Variants in TAFA2 observed in about 807,000 individuals in gnomAD.
TAFA2 encodes the protein chemokine-like protein TAFA-2.
In TAFA2, 7 loss-of-function variants were observed where a neutral mutation model predicts 18.8. The ratio of observed to expected loss-of-function variants is 0.37; its 90% CI spans 0.21 to 0.70. TAFA2 has a LOEUF of 0.70. TAFA2 is among the 30% of genes least tolerant of loss of function. TAFA2 has a pLI of 0.53. For missense variants in TAFA2, 122 were observed against 158.1 expected (o/e 0.77, Z 1.23); for synonymous variants, 60 against 54.2 (o/e 1.11, Z -0.47).
chr12:61,935,978 G>A (rs1247746540), intron 1 of TAFA2, among the ~76,000 whole-genome samples: 1 of 151,944 alleles, frequency 6.6e-6, no homozygotes, highest in Non-Finnish European at 1.5e-5. Flanking sequence ...GATTAATAAA[G>A]AGAGAATCCT....
chr12:62,106,117 C>T (rs1869438650), intron 1 of TAFA2, among the ~76,000 whole-genome samples: 1 of 151,766 alleles, frequency 6.6e-6, no homozygotes, highest in South Asian at 2.1e-4. Flanking sequence ...CAGATCACCT[C>T]AGGTCAGGAG....
At chr12:61,952,592 A>C (rs1878507861) in intron 1 of TAFA2, among the ~76,000 whole-genome samples, 1 of 152,126 alleles carries the variant, frequency 6.6e-6, no homozygotes. Context: ...CCTTCAGAAC[A>C]CAGTACTTGC....
chr12:62,151,186 C>G (rs1201287411), intron 1 of TAFA2, among the ~76,000 whole-genome samples: 1 of 152,168 alleles, frequency 6.6e-6, no homozygotes, highest in Non-Finnish European at 1.5e-5. Context: ...TTGCCCTTTA[C>G]AAACTCAACA....
At chr12:61,883,341 T>C (rs1038122738) in intron 1 of TAFA2, among the ~76,000 whole-genome samples, 2 of 152,188 alleles carry the variant, frequency 1.3e-5, no homozygotes, top group Non-Finnish European at 2.9e-5. Flanking sequence ...TACACATGTG[T>C]CATTGGAATA....
chr12:62,096,915 C>T (rs1409404195), intron 1 of TAFA2, among the ~76,000 whole-genome samples: 1 of 152,104 alleles, frequency 6.6e-6, no homozygotes, highest in Non-Finnish European at 1.5e-5. Context: ...CCTGAAATCA[C>T]ACAGCTCCAC....
intron 1 of TAFA2, among the ~76,000 whole-genome samples, chr12:62,089,565 A>T (rs1414720265): frequency 6.6e-6 from 1 of 152,002 alleles, no homozygotes; most frequent in African/African-American, 2.4e-5. Flanking sequence ...AGAAAGAGTG[A>T]GAGAAAGGGA....
At chr12:62,104,767 T>C in intron 1 of TAFA2, 1 of 453,858 alleles carries the variant, frequency 2.2e-6, no homozygotes, top group Non-Finnish European at 4.4e-6. Context: ...TGACCATCGG[T>C]GTAAGCTAAC....
chr12:61,906,594 T>C (rs1176358052), intron 1 of TAFA2, among the ~76,000 whole-genome samples: 1 of 152,136 alleles, frequency 6.6e-6, no homozygotes, highest in Admixed American at 6.6e-5. Context: ...GTGGGGTGCT[T>C]CTGTAAAGAT....
At chr12:62,185,618 G>C (rs80185451) in intron 1 of TAFA2, among the ~76,000 whole-genome samples, 6,666 of 152,202 alleles carry the variant, frequency 0.044, 208 homozygotes, top group Non-Finnish European at 0.066. Flanking sequence ...ACAGTAACCA[G>C]GTTTCCTACT....
chr12:61,905,490 C>G lies in TAFA2; in HGVS notation c.-1-38064G>C, dbSNP rs186555699. Among the ~76,000 whole-genome samples the G allele has an allele frequency of 6.9e-4, 105 of 152,162 alleles. 1 individual carries two copies. The highest frequency in any genetic ancestry group is 2.5e-3 in the African/African-American group (103 of 41,516). ...TTACCCCCTCAGAAGTTAAAATGGT[C>G]TTGATATTATTTCATTAGCATTGAG... On this transcript the variant is annotated intron_variant, in intron 1 of 4. Coordinates refer to ENST00000416284, the MANE Select transcript of TAFA2 (RefSeq NM_178539.5).
chr12:61,987,758 AG>A (rs1879866738), intron 1 of TAFA2, among the ~76,000 whole-genome samples: 1 of 152,232 alleles, frequency 6.6e-6, no homozygotes, highest in Non-Finnish European at 1.5e-5. Context: ...ATCTTACAAA[AG>A]GTCTCTTTTG....
chr12:62,228,244 C>A (rs566893437), intron 1 of TAFA2, among the ~76,000 whole-genome samples: 1 of 152,142 alleles, frequency 6.6e-6, no homozygotes, highest in East Asian at 1.9e-4. Context: ...TCCATGTGTA[C>A]GGAATGTTTA....
At chr12:62,213,323 A>G (rs1342633896) in intron 1 of TAFA2, among the ~76,000 whole-genome samples, 1 of 152,216 alleles carries the variant, frequency 6.6e-6, no homozygotes, top group Non-Finnish European at 1.5e-5. Flanking sequence ...CCATTTAGGT[A>G]AGTTCAATTT....
Position 62,227,849 on chromosome 12 carries a change from A to G in TAFA2, c.-130+30914T>C, listed in dbSNP as rs566014436. On this transcript the variant is annotated intron_variant, in intron 1 of 5. Transcript: ENST00000551619. ...TATGGTTTGTAGTTTTCTCAGTATC[A>G]TTTATTGAAGAGACTGCCCTTTCCC... 1.1e-4 allele frequency among the ~76,000 whole-genome samples: 17 copies of G among 152,226 alleles called. No homozygotes were observed. The East Asian group carries it at 3.3e-3, about 29-fold the overall frequency.
intron 1 of TAFA2, among the ~76,000 whole-genome samples, chr12:61,949,654 T>C (rs1878398012): frequency 1.3e-5 from 2 of 152,078 alleles, no homozygotes; most frequent in South Asian, 4.1e-4. Context: ...TTATAATAAA[T>C]CATATATATC....
intron 1 of TAFA2, among the ~76,000 whole-genome samples, chr12:61,938,181 T>A (rs949283072): frequency 8.0e-5 from 10 of 124,906 alleles, no homozygotes; most frequent in African/African-American, 3.1e-4. Flanking sequence ...TTCACCACTA[T>A]ACAATTCATC....
At chr12:62,167,020 C>T (rs1426328331) in intron 1 of TAFA2, among the ~76,000 whole-genome samples, 4 of 151,712 alleles carry the variant, frequency 2.6e-5, no homozygotes, top group East Asian at 1.9e-4. Context: ...AATGACTTAG[C>T]GATGTTTCCA....
intron 1 of TAFA2, among the ~76,000 whole-genome samples, chr12:62,169,450 C>T (rs1401192300): frequency 6.6e-6 from 1 of 152,050 alleles, no homozygotes; most frequent in Admixed American, 6.5e-5. Context: ...GTTTTCTGTG[C>T]CTTAAATACG....
At chr12:62,174,246 G>A (rs770646954) in intron 1 of TAFA2, among the ~76,000 whole-genome samples, 16 of 152,174 alleles carry the variant, frequency 1.1e-4, no homozygotes, top group Non-Finnish European at 4.4e-5. Context: ...AACCTGGGAA[G>A]TGGAAGTTGT....
Sources: allele counts gnomAD v4.1 joint callset (sites outside exome capture counted in the v4.1 genomes callset), GRCh38; gene constraint gnomAD v4.1.1; transcripts MANE v1.5; gene names NCBI Gene and HGNC (gene_info 2026-07-23, HGNC 2026-07-21).